LPO: variants seen among roughly 807,000 people sequenced by gnomAD.
LPO encodes the protein salivary peroxidase.
Under a neutral mutation model 68.4 loss-of-function variants are expected in LPO, and 70 were observed. That is an observed-to-expected ratio of 1.02 (90% CI 0.84 to 1.25). The LOEUF (loss-of-function observed/expected upper bound fraction) is 1.25. Ranked by LOEUF, LPO falls within the 50% of genes most tolerant of loss-of-function variation. LPO has a pLI of 0.00. For synonymous variants in LPO, 360 were observed against 357.6 expected, an observed-to-expected ratio of 1.01 and a Z score of -0.08; for missense variants, 873 against 908.4, an observed-to-expected ratio of 0.96 and a Z score of 0.50.
intron 3 of LPO, among the ~76,000 whole-genome samples, chr17:58,246,130 C>G (rs542937007): frequency 6.6e-6 from 1 of 152,182 alleles, no homozygotes; most frequent in Non-Finnish European, 1.5e-5. Context: ...TAGGAAGGAG[C>G]CACCCAGGCA....
Position 58,252,334 on chromosome 17 carries a change from C to T in LPO, c.933C>T (p.Ser311=). ...TSFLDASFVY[S]SEPSLASRLR... ...TCCTGGATGCCAGCTTTGTGTACAG[C>T]TCCGAGCCAAGCCTGGCCAGCCGCC... The change falls in exon 8 of 13, where the codon AGC becomes AGT. Residue 311 remains serine, a synonymous_variant. Coordinates refer to ENST00000262290, the MANE Select transcript of LPO (RefSeq NM_006151.3). The T allele has an allele frequency of 1.2e-6, 2 of 1,614,208 alleles. No homozygotes were observed. Among genetic ancestry groups the T allele is most frequent in the African/African-American group, 2.7e-5 (2 of 75,058 alleles).
chr17:58,266,950 T>A (rs890489872), intron 11 of LPO, among the ~76,000 whole-genome samples: 6 of 152,250 alleles, frequency 3.9e-5, no homozygotes, highest in Non-Finnish European at 8.8e-5. Flanking sequence ...CAATGACTGT[T>A]GGACCTTTCT....
chr17:58,243,084 G>C, intron 2 of LPO, 29 bp downstream of exon 2: 2 of 1,606,214 alleles, frequency 1.2e-6, no homozygotes, highest in Non-Finnish European at 1.7e-6. Context: ...GGGTTTTCTG[G>C]GGCTGCTGTC....
intron 11 of LPO, 110 bp from the exon 12 acceptor site, chr17:58,267,239 C>G (rs1422635804): frequency 5.3e-6 from 4 of 759,064 alleles, no homozygotes; most frequent in Non-Finnish European, 8.6e-6. Flanking sequence ...ATCCCAAAGG[C>G]TGTAAGCCCA....
In LPO at chr17:58,254,564, G is replaced by A. The variant is rs1346806135; in HGVS notation, c.1106-247G>A. 8 of 367,938 alleles carry A rather than the reference G, an allele frequency of 2.2e-5. 1 individual carries two copies. The East Asian group carries it at 2.8e-4, about 13-fold the overall frequency. The allele number at this position is 367,938 out of a possible 1,614,324, so 22.8% of individuals were successfully genotyped here. ...TCTCATTTTCATAGGTAAGGAGACCGAGGCTCAGAAGTGTTAAGTAACTTG... is the reference window on the plus strand; with the variant it reads ...TCTCATTTTCATAGGTAAGGAGACCAAGGCTCAGAAGTGTTAAGTAACTTG... On this transcript the variant is annotated intron_variant, in intron 8 of 12. Transcript: ENST00000262290.
At chr17:58,248,677 T>C (rs567664928) in intron 4 of LPO, among the ~76,000 whole-genome samples, 3 of 152,114 alleles carry the variant, frequency 2.0e-5, no homozygotes, top group Non-Finnish European at 4.4e-5. Context: ...AAGAAAGCAG[T>C]CTTATCACAC....
intron 9 of LPO, 47 bp downstream of exon 9, chr17:58,255,018 C>T: frequency 6.3e-7 from 1 of 1,596,188 alleles, no homozygotes; most frequent in Non-Finnish European, 8.6e-7. Context: ...CTGGCTCCCA[C>T]TCCTGGCTCT....
chr17:58,252,399 A>T lies in LPO; in HGVS notation c.998A>T (p.Asn333Ile). ...LSSPLGLMAV[N>I]QEVSDHGLPY... ...AGCCCCCTGGGCCTCATGGCTGTCAACCAGGAGGTCTCAGACCATGGACTA... is the reference window on the plus strand; with the variant it reads ...AGCCCCCTGGGCCTCATGGCTGTCATCCAGGAGGTCTCAGACCATGGACTA... Residue 333 changes from asparagine (N) to isoleucine (I), a missense_variant, in exon 8 of 13, where the codon AAC becomes ATC. Transcript: ENST00000262290. 6.2e-7 allele frequency: 1 copy of T among 1,614,182 alleles called. No homozygotes were observed.
chr17:58,244,434 A>AT (rs796976340), intron 3 of LPO: 1 of 258,924 alleles, frequency 3.9e-6, no homozygotes, highest in African/African-American at 2.2e-5. Context: ...ATATTGACTG[A>AT]TTCAGCCAGG....
intron 3 of LPO, among the ~76,000 whole-genome samples, chr17:58,246,613 G>C (rs919211015): frequency 2.0e-5 from 3 of 152,174 alleles, no homozygotes; most frequent in Admixed American, 2.0e-4. Context: ...TGGAACCTTG[G>C]ATGGGACCTT....
Sources: gnomAD v4.1 joint callset for allele counts (sites outside exome capture counted in the v4.1 genomes callset) on GRCh38, gnomAD v4.1.1 for gene constraint, MANE v1.5 for transcripts, NCBI Gene and HGNC (gene_info 2026-07-23, HGNC 2026-07-21) for gene names.